CBFA2T2: variants seen among roughly 807,000 people sequenced by gnomAD.
CBFA2T2 encodes the protein CBFA2/RUNX1 partner transcriptional co-repressor 2.
CBFA2T2 carries 11 observed loss-of-function variants against 62.2 expected under a neutral mutation model. The observed-to-expected ratio is 0.18, with a 90% confidence interval of 0.11 to 0.29. The LOEUF (loss-of-function observed/expected upper bound fraction) is 0.29. Ranked by LOEUF, CBFA2T2 falls within the 10% of genes least tolerant of loss-of-function variation. The pLI, the probability that CBFA2T2 is intolerant of heterozygous loss-of-function variation, is 1.00. For synonymous variants in CBFA2T2, 295 were observed against 287.5 expected (o/e 1.03, Z -0.27); for missense variants, 592 against 774.1 (o/e 0.76, Z 2.79).
intron 8 of CBFA2T2, among the ~76,000 whole-genome samples, chr20:33,632,170 A>C (rs1262896086): frequency 6.6e-6 from 1 of 151,964 alleles, no homozygotes; most frequent in Non-Finnish European, 1.5e-5. Flanking sequence ...CATCCTCCTG[A>C]GTAGCTGGGA....
At chr20:33,493,784 A>AGCCTCTACTG (rs11474132) in intron 1 of CBFA2T2, among the ~76,000 whole-genome samples, 130,383 of 151,900 alleles carry the variant, frequency 0.86, 57,517 homozygotes, top group Non-Finnish European at 0.97. Flanking sequence ...TAGAGGCATG[A>AGCCTCTACTG]GCCACCATAC....
rs1270137930 is a variant in CBFA2T2, at chr20:33,649,047, C to T, written c.*4401C>T. The stretch of plus-strand genomic sequence containing the variant: ...ACCGGATGGCCATCTGTCCTGGAAA[C>T]TGTAGAATTGAATAAATCACTGAAA... On this transcript the variant is annotated 3_prime_UTR_variant, in exon 11 of 11. Transcript: ENST00000342704. 1 of 152,174 alleles carries T rather than the reference C, an allele frequency of 6.6e-6. No homozygotes were observed. The highest frequency in any genetic ancestry group is 1.5e-5 in the Non-Finnish European group (1 of 68,042). The allele number at this position is 152,174 out of a possible 1,614,324, so 9.4% of individuals were successfully genotyped here.
At chr20:33,587,913 C>G (rs1463839152) in intron 1 of CBFA2T2, among the ~76,000 whole-genome samples, 1 of 152,102 alleles carries the variant, frequency 6.6e-6, no homozygotes, top group African/African-American at 2.4e-5. Flanking sequence ...TTGTTTCATT[C>G]AAGTAGTTGA....
intron 1 of CBFA2T2, among the ~76,000 whole-genome samples, chr20:33,524,480 A>G (rs746145738): frequency 6.6e-6 from 1 of 152,152 alleles, no homozygotes; most frequent in Non-Finnish European, 1.5e-5. Context: ...TGAGTGATTT[A>G]TGACATTTCT....
At chr20:33,500,099 A>G (rs2011253478) in intron 1 of CBFA2T2, among the ~76,000 whole-genome samples, 1 of 151,948 alleles carries the variant, frequency 6.6e-6, no homozygotes, top group Non-Finnish European at 1.5e-5. Context: ...CTGGGACTAC[A>G]GGCGCCCGTC....
chr20:33,512,744 G>A (rs528220669), intron 1 of CBFA2T2, among the ~76,000 whole-genome samples: 65 of 150,036 alleles, frequency 4.3e-4, no homozygotes, highest in African/African-American at 1.5e-3. Flanking sequence ...GTGCACGTAT[G>A]TATGTCTTTT....
At chr20:33,564,736 C>T (rs2013229861) in intron 1 of CBFA2T2, among the ~76,000 whole-genome samples, 1 of 151,550 alleles carries the variant, frequency 6.6e-6, no homozygotes, top group African/African-American at 2.4e-5. Context: ...CGCACCACCA[C>T]GCCCAGCTAA....
At position 33,616,192 on chromosome 20, in the gene CBFA2T2, C is replaced by CAT. The variant is rs975259115; in HGVS notation, c.421-3315_421-3314dup. Among the ~76,000 whole-genome samples the CAT allele has an allele frequency of 4.5e-4, 69 of 152,016 alleles. 1 individual carries two copies. Among genetic ancestry groups the CAT allele is most frequent in the African/African-American group, 1.5e-3 (62 of 41,450 alleles). ...ATAGATACATACATACATATACATA[C>CAT]ATATATATATACATAGGTAACTAGC... On this transcript the variant is annotated intron_variant, in intron 3 of 10. Coordinates refer to ENST00000342704, the MANE Select transcript of CBFA2T2 (RefSeq NM_001032999.3).
At chr20:33,642,836 G>T (rs921814606) in intron 10 of CBFA2T2, among the ~76,000 whole-genome samples, 1 of 152,148 alleles carries the variant, frequency 6.6e-6, no homozygotes. Flanking sequence ...TTAGAGCATA[G>T]ATCCTGGATC....
At chr20:33,534,327 T>C (rs2012142767) in intron 1 of CBFA2T2, among the ~76,000 whole-genome samples, 1 of 152,080 alleles carries the variant, frequency 6.6e-6, no homozygotes, top group Non-Finnish European at 1.5e-5. Flanking sequence ...TTGAGGTTTT[T>C]GTTTGTTTGT....
chr20:33,583,490 A>G (rs1053560334), intron 1 of CBFA2T2, among the ~76,000 whole-genome samples: 5 of 152,374 alleles, frequency 3.3e-5, no homozygotes, highest in African/African-American at 1.2e-4. Context: ...AGTAATTTGA[A>G]TATAATGTAT....
chr20:33,564,380 C>T (rs900759727), intron 1 of CBFA2T2, among the ~76,000 whole-genome samples: 2 of 151,686 alleles, frequency 1.3e-5, no homozygotes, highest in African/African-American at 4.8e-5. Context: ...CTGCCTCAGC[C>T]TCCCAAGTAG....
At position 33,611,124 on chromosome 20, in the gene CBFA2T2, C is replaced by A; in HGVS notation, c.209C>A (p.Thr70Asn). Reference protein sequence around the residue: ...LSNGINHSPPTLNGAPSPPQR... With the variant: ...LSNGINHSPPNLNGAPSPPQR... The stretch of plus-strand genomic sequence containing the variant: ...AATGGCATCAACCATTCTCCTCCTA[C>A]CCTGAATGGTGCCCCATCACCGCCA... The change falls in exon 3 of 11, where the codon ACC becomes AAC. Residue 70 changes from threonine to asparagine, a missense_variant. Thr to Asn is a moderately conservative substitution (Grantham distance 65, BLOSUM62 0). Around this residue, in one of 3 missense-constraint regions of CBFA2T2, gnomAD observed 449 missense variants for 551.2 expected, o/e 0.81. Transcript: ENST00000342704. 1 of 1,614,144 alleles carries A rather than the reference C, an allele frequency of 6.2e-7. No homozygotes were observed. Among genetic ancestry groups the A allele is most frequent in the Non-Finnish European group, 8.5e-7 (1 of 1,179,966 alleles).
chr20:33,639,552 C>T (rs1384822080), intron 9 of CBFA2T2: 1 of 149,902 alleles, frequency 6.7e-6, no homozygotes, highest in Non-Finnish European at 1.5e-5. Context: ...CCAGCCTGGG[C>T]AACAGAGCGG....
intron 1 of CBFA2T2, among the ~76,000 whole-genome samples, chr20:33,504,699 G>A (rs958087809): frequency 1.3e-5 from 2 of 151,998 alleles, no homozygotes; most frequent in African/African-American, 2.4e-5. Context: ...CACCACGCCC[G>A]GCCTATACTT....
chr20:33,512,401 A>G (rs961066426), intron 1 of CBFA2T2, among the ~76,000 whole-genome samples: 1 of 152,136 alleles, frequency 6.6e-6, no homozygotes, highest in Admixed American at 6.6e-5. Flanking sequence ...TCAGAAGCCT[A>G]CCTTCTTACT....
intron 1 of CBFA2T2, among the ~76,000 whole-genome samples, chr20:33,540,317 T>C (rs2012378769): frequency 6.6e-6 from 1 of 152,218 alleles, no homozygotes; most frequent in Admixed American, 6.5e-5. Flanking sequence ...ACAAACATTA[T>C]AGAGTGTACT....
chr20:33,533,791 A>G (rs1007190037), intron 1 of CBFA2T2, among the ~76,000 whole-genome samples: 4 of 152,184 alleles, frequency 2.6e-5, no homozygotes, highest in Non-Finnish European at 5.9e-5. Context: ...CTTGGCCAAC[A>G]TGGTGAAACT....
At chr20:33,515,148 A>G (rs1220086482) in intron 1 of CBFA2T2, among the ~76,000 whole-genome samples, 3 of 151,778 alleles carry the variant, frequency 2.0e-5, no homozygotes, top group Non-Finnish European at 2.9e-5. Flanking sequence ...CAGGAGTTTG[A>G]GACTAGCCTA....
Sources: gnomAD v4.1 joint callset for allele counts (sites outside exome capture counted in the v4.1 genomes callset) on GRCh38, gnomAD v4.1.1 for gene constraint, gnomAD v4.1.1 regional missense constraint, MANE v1.5 for transcripts, NCBI Gene and HGNC (gene_info 2026-07-23, HGNC 2026-07-21) for gene names.